The following ATP2B2 variants were observed in gnomAD, a reference collection of about 807,000 sequenced individuals.
ATP2B2 encodes plasma membrane calcium-transporting ATPase 2.
ATP2B2 carries 15 observed loss-of-function variants against 120.0 expected under a neutral mutation model. The observed-to-expected ratio is 0.12, with a 90% CI of 0.08 to 0.19. ATP2B2 has a LOEUF of 0.19. Ranked by LOEUF, ATP2B2 falls within the 10% of genes least tolerant of loss-of-function variation. The pLI is 1.00. For missense variants in ATP2B2, 1,045 were observed against 1,719.8 expected (o/e 0.61, Z 6.94); for synonymous variants, 694 against 700.3 (o/e 0.99, Z 0.14).
intron 2 of ATP2B2, among the ~76,000 whole-genome samples, chr3:10,579,574 C>T (rs573533889): frequency 2.0e-5 from 3 of 152,126 alleles, no homozygotes; most frequent in Non-Finnish European, 4.4e-5. Context: ...TTTGGGAGGT[C>T]GAGGCGGGCA....
At chr3:10,671,471 C>T (rs78749369) in intron 1 of ATP2B2, among the ~76,000 whole-genome samples, 10,586 of 152,160 alleles carry the variant, frequency 0.07, 510 homozygotes, top group South Asian at 0.14. Flanking sequence ...CCAGTTTCAG[C>T]CCCGAAATCC....
At chr3:10,577,722 G>T (rs1398217745) in intron 2 of ATP2B2, among the ~76,000 whole-genome samples, 2 of 152,200 alleles carry the variant, frequency 1.3e-5, no homozygotes, top group African/African-American at 4.8e-5. Flanking sequence ...CAAGCTCATG[G>T]GGATGCATTC....
chr3:10,686,144 T>C (rs940811538), intron 1 of ATP2B2, among the ~76,000 whole-genome samples: 2 of 147,586 alleles, frequency 1.4e-5, no homozygotes, highest in Middle Eastern at 3.5e-3. Context: ...AGGGTGGAAA[T>C]TTTAATTTCT....
chr3:10,491,972 A>G (rs188560560), intron 1 of ATP2B2, among the ~76,000 whole-genome samples: 1 of 152,354 alleles, frequency 6.6e-6, no homozygotes, highest in African/African-American at 2.4e-5. Context: ...GAATTGACAA[A>G]ATAGGGTATC....
intron 3 of ATP2B2, among the ~76,000 whole-genome samples, chr3:10,528,822 G>T (rs1031218332): frequency 3.3e-5 from 5 of 152,198 alleles, no homozygotes; most frequent in Admixed American, 6.5e-5. Flanking sequence ...AAGCAGGTGC[G>T]TTGGCTCATG....
At chr3:10,658,241 C>T (rs550545769) in intron 1 of ATP2B2, among the ~76,000 whole-genome samples, 74 of 152,320 alleles carry the variant, frequency 4.9e-4, no homozygotes, top group African/African-American at 1.4e-3. Context: ...CATAGCTGGA[C>T]GGAGAATGAC....
intron 22 of ATP2B2, among the ~76,000 whole-genome samples, chr3:10,337,659 G>C (rs2060157422): frequency 6.6e-6 from 1 of 152,112 alleles, no homozygotes; most frequent in Non-Finnish European, 1.5e-5. Context: ...GTGTGCTTGA[G>C]GATGACTGAC....
At chr3:10,348,166 A>G (rs954051791) in intron 16 of ATP2B2, among the ~76,000 whole-genome samples, 3 of 151,990 alleles carry the variant, frequency 2.0e-5, no homozygotes, top group Admixed American at 2.0e-4. Context: ...CTCTTCTCCA[A>G]CAGGTATAGA....
chr3:10,435,234 G>A (rs562608140), intron 2 of ATP2B2, among the ~76,000 whole-genome samples: 1 of 152,182 alleles, frequency 6.6e-6, no homozygotes, highest in Non-Finnish European at 1.5e-5. Context: ...ACCGGAGCAT[G>A]GGGCAGCACT....
intron 1 of ATP2B2, among the ~76,000 whole-genome samples, chr3:10,645,153 G>T (rs149995196): frequency 6.6e-6 from 1 of 152,274 alleles, no homozygotes; most frequent in Non-Finnish European, 1.5e-5. Context: ...AGCAAGTGGG[G>T]TAAAATGTCA....
chr3:10,651,848 T>G (rs550044309), intron 1 of ATP2B2, among the ~76,000 whole-genome samples: 1 of 152,316 alleles, frequency 6.6e-6, no homozygotes, highest in East Asian at 1.9e-4. Context: ...CTGGAAAGCC[T>G]TTGTCCATTG....
At chr3:10,577,905 G>A (rs1388740251) in intron 2 of ATP2B2, among the ~76,000 whole-genome samples, 1 of 152,160 alleles carries the variant, frequency 6.6e-6, no homozygotes, top group African/African-American at 2.4e-5. Flanking sequence ...TCCACTTCCT[G>A]TGCAGAAAAC....
intron 2 of ATP2B2, among the ~76,000 whole-genome samples, chr3:10,556,543 G>T (rs1310006121): frequency 6.6e-6 from 1 of 152,206 alleles, no homozygotes; most frequent in South Asian, 2.1e-4. Flanking sequence ...CTCTGAGGAC[G>T]CGGCCTTAAG....
chr3:10,509,684 T>C (rs1234856004), upstream of ATP2B2, among the ~76,000 whole-genome samples: 3 of 152,214 alleles, frequency 2.0e-5, no homozygotes, highest in Non-Finnish European at 4.4e-5. Context: ...GGCCGTGGAC[T>C]GTGGATCCAG....
intron 1 of ATP2B2, among the ~76,000 whole-genome samples, chr3:10,474,983 C>T (rs55981646): frequency 0.16 from 24,019 of 152,234 alleles, 2,639 homozygotes; most frequent in East Asian, 0.47. Flanking sequence ...CACCACCCCA[C>T]GTCTGAAACG....
At chr3:10,489,361 C>T (rs2065849764) in intron 1 of ATP2B2, among the ~76,000 whole-genome samples, 1 of 152,226 alleles carries the variant, frequency 6.6e-6, no homozygotes, top group South Asian at 2.1e-4. Flanking sequence ...CTGCCTGGCA[C>T]ACAGTAGGCC....
At position 10,360,106 on chromosome 3, in the gene ATP2B2, G is replaced by C. The variant is rs367837268; in HGVS notation, c.1677C>G (p.Gly559=). ...TTKILPPEKE[G]ALPRQVGNKT... ...TGTTGCCCACCTGCCGAGGCAGGGCGCCCTCCTTCTCTGGGGGCTGCAGAG... is the reference window on the plus strand; with the variant it reads ...TGTTGCCCACCTGCCGAGGCAGGGCCCCCTCCTTCTCTGGGGGCTGCAGAG... Residue 559 remains glycine (G), a synonymous_variant, in exon 13 of 23, where the codon GGC becomes GGG. Transcript: ENST00000360273. The C allele has an allele frequency of 1.3e-6, 2 of 1,599,356 alleles. No homozygotes were observed. The highest frequency in any genetic ancestry group is 1.7e-5 in the Admixed American group (1 of 59,778).
At chr3:10,338,526 C>CTTT (rs34558372) in intron 21 of ATP2B2, among the ~76,000 whole-genome samples, 168 bp from the exon 22 acceptor site, 49 of 88,476 alleles carry the variant, frequency 5.5e-4, no homozygotes, top group African/African-American at 1.4e-3. Context: ...TTGACAATGT[C>CTTT]TTTTTTTTTT....
intron 2 of ATP2B2, among the ~76,000 whole-genome samples, chr3:10,615,251 T>C (rs1482665971): frequency 1.3e-5 from 2 of 152,030 alleles, no homozygotes; most frequent in Non-Finnish European, 2.9e-5. Flanking sequence ...GCTGCTGCCA[T>C]GGGGTGGGTG....
Sources: allele counts gnomAD v4.1 joint callset (sites outside exome capture counted in the v4.1 genomes callset), GRCh38; gene constraint gnomAD v4.1.1; transcripts MANE v1.5; gene names NCBI Gene and HGNC (gene_info 2026-07-23, HGNC 2026-07-21).